Variants in PTPRR observed in about 807,000 individuals in gnomAD.
PTPRR encodes the protein protein tyrosine phosphatase receptor type R.
In PTPRR, 38 loss-of-function variants were observed where a neutral mutation model predicts 77.2. The ratio of observed to expected loss-of-function variants is 0.49; its 90% CI spans 0.38 to 0.65. The LOEUF (loss-of-function observed/expected upper bound fraction) is 0.65. PTPRR is among the 30% of genes least tolerant of loss of function. The probability of loss-of-function intolerance (pLI) is 0.00; values close to 1 mark genes in which losing one functional copy is unlikely to be tolerated. For synonymous variants in PTPRR, 299 were observed against 283.1 expected (o/e 1.06, Z -0.57); for missense variants, 744 against 799.2 (o/e 0.93, Z 0.83).
Position 70,915,244 on chromosome 12 carries a change from C to T in PTPRR, c.58+5089G>A, listed in dbSNP as rs1316452959. ...ACAAGAACATACATTACAATAACCT[C>T]TTTAATTATGTTCAACCATAGGATG... On this transcript the variant is annotated intron_variant, in intron 1 of 13. Coordinates refer to ENST00000283228, the MANE Select transcript of PTPRR (RefSeq NM_002849.4). Among the ~76,000 whole-genome samples, 4 of 152,266 alleles carry T rather than the reference C, an allele frequency of 2.6e-5. No individual in the cohort carries two copies. In the East Asian group the frequency reaches 7.7e-4, roughly 29 times the overall value.
At chr12:70,883,848 A>G (rs981363700) in intron 2 of PTPRR, among the ~76,000 whole-genome samples, 5 of 152,216 alleles carry the variant, frequency 3.3e-5, no homozygotes, top group African/African-American at 1.2e-4. Flanking sequence ...AGAAGAATTT[A>G]TACAATGAAG....
At chr12:70,661,430 G>C (rs574231982) in intron 11 of PTPRR, among the ~76,000 whole-genome samples, 19 of 152,080 alleles carry the variant, frequency 1.2e-4, no homozygotes, top group Non-Finnish European at 2.5e-4. Context: ...AGCCAAGAAA[G>C]AATGAGATAT....
chr12:70,754,206 TATA>T lies in PTPRR; in HGVS notation c.720_722del (p.Ile241del). 4 of 1,613,370 alleles carry T rather than the reference TATA, an allele frequency of 2.5e-6. No homozygotes were observed. Among genetic ancestry groups the T allele is most frequent in the Non-Finnish European group, 3.4e-6 (4 of 1,179,682 alleles). Reference sequence around the variant, plus strand: ...GCAAACTTACCATCAAACACGTTACTATAATAACAAAGATGCTGAGAAAAATGA... The same window carrying T: ...GCAAACTTACCATCAAACACGTTACTATAACAAAGATGCTGAGAAAAATGA... On this transcript the variant is annotated inframe_deletion, in exon 5 of 14. Transcript: ENST00000283228.
chr12:70,833,004 T>C (rs12369053), intron 2 of PTPRR, among the ~76,000 whole-genome samples: 11,256 of 152,164 alleles, frequency 0.074, 450 homozygotes, highest in Middle Eastern at 0.085. Context: ...TGAACTATTT[T>C]GAACTATCAG....
At chr12:70,812,330 G>A (rs966188416) in intron 2 of PTPRR, among the ~76,000 whole-genome samples, 1 of 152,122 alleles carries the variant, frequency 6.6e-6, no homozygotes, top group Non-Finnish European at 1.5e-5. Flanking sequence ...ACACCCAAAA[G>A]GGCAAGTTTC....
intron 2 of PTPRR, among the ~76,000 whole-genome samples, chr12:70,822,351 T>C (rs1892030350): frequency 6.6e-6 from 1 of 152,210 alleles, no homozygotes. Flanking sequence ...TACGTTTTTC[T>C]GCATTTGTAG....
At chr12:70,652,969 A>C (rs553500715) in intron 13 of PTPRR, among the ~76,000 whole-genome samples, 22 of 152,288 alleles carry the variant, frequency 1.4e-4, no homozygotes, top group Non-Finnish European at 2.2e-4. Flanking sequence ...AGAGCAAACC[A>C]AGCCTGTTTT....
chr12:70,755,249 G>T (rs1890531935), intron 4 of PTPRR, among the ~76,000 whole-genome samples: 1 of 152,110 alleles, frequency 6.6e-6, no homozygotes, highest in African/African-American at 2.4e-5. Context: ...ATTTCATTTT[G>T]TTGAAGGGTG....
intron 2 of PTPRR, among the ~76,000 whole-genome samples, chr12:70,891,667 C>T (rs1057201680): frequency 6.6e-6 from 1 of 151,852 alleles, no homozygotes; most frequent in African/African-American, 2.4e-5. Flanking sequence ...CAAGGGGAAA[C>T]TAGATCATAA....
chr12:70,810,066 A>C (rs1326351103), intron 2 of PTPRR, among the ~76,000 whole-genome samples: 2 of 152,218 alleles, frequency 1.3e-5, no homozygotes, highest in Non-Finnish European at 2.9e-5. Flanking sequence ...ATGTAAATAC[A>C]GTGGGACTTT....
intron 1 of PTPRR, among the ~76,000 whole-genome samples, chr12:70,911,960 A>G (rs546858519): frequency 6.6e-6 from 1 of 152,310 alleles, no homozygotes; most frequent in East Asian, 1.9e-4. Context: ...TTAACTCTCA[A>G]CTACTATGGA....
intron 2 of PTPRR, among the ~76,000 whole-genome samples, chr12:70,854,240 A>C (rs1405301826): frequency 6.6e-6 from 1 of 152,208 alleles, no homozygotes; most frequent in Non-Finnish European, 1.5e-5. Context: ...TCTGTGTGTC[A>C]CTGAGCAATA....
intron 2 of PTPRR, among the ~76,000 whole-genome samples, chr12:70,804,139 C>CTGTGTGTGTGTGTGTGTGTGTGTGTG (rs58442488): frequency 7.3e-6 from 1 of 137,252 alleles, no homozygotes; most frequent in Admixed American, 7.3e-5. Context: ...GTTCCTGGCT[C>CTGTGTGTGTGTGTGTGTGTGTGTGTG]TGTGTGTGTG....
intron 1 of PTPRR, among the ~76,000 whole-genome samples, chr12:70,895,610 C>T (rs1446091553): frequency 6.6e-6 from 1 of 151,536 alleles, no homozygotes; most frequent in Non-Finnish European, 1.5e-5. Flanking sequence ...TCCTTAGGTT[C>T]TCTGTATCAG....
intron 2 of PTPRR, among the ~76,000 whole-genome samples, chr12:70,766,723 A>G (rs1223087088): frequency 6.6e-6 from 1 of 151,560 alleles, no homozygotes; most frequent in Non-Finnish European, 1.5e-5. Context: ...CAGATTCACC[A>G]AAGTTGAAAA....
chr12:70,896,694 T>C (rs1234035605), intron 1 of PTPRR, among the ~76,000 whole-genome samples: 1 of 151,784 alleles, frequency 6.6e-6, no homozygotes, highest in Non-Finnish European at 1.5e-5. Context: ...AAATATAACA[T>C]ATCCTGAATG....
chr12:70,660,597 C>T (rs543125504), intron 12 of PTPRR, among the ~76,000 whole-genome samples: 21 of 152,312 alleles, frequency 1.4e-4, no homozygotes, highest in Non-Finnish European at 2.9e-4. Context: ...AAAAGTGCAT[C>T]TTTATTCCTG....
chr12:70,742,744 G>A (rs1399079273), intron 6 of PTPRR, among the ~76,000 whole-genome samples: 2 of 152,114 alleles, frequency 1.3e-5, no homozygotes, highest in South Asian at 2.1e-4. Flanking sequence ...CTAGAATTAG[G>A]GAGATCCTGA....
intron 6 of PTPRR, among the ~76,000 whole-genome samples, chr12:70,724,764 A>AGT (rs1889376038): frequency 6.6e-6 from 1 of 152,002 alleles, no homozygotes; most frequent in East Asian, 1.9e-4. Context: ...CTAGAGGTGT[A>AGT]GTGTGTGTAT....
Sources: allele counts gnomAD v4.1 joint callset (sites outside exome capture counted in the v4.1 genomes callset), GRCh38; gene constraint gnomAD v4.1.1; transcripts MANE v1.5; gene names NCBI Gene and HGNC (gene_info 2026-07-23, HGNC 2026-07-21).